Variants in EXOC2 observed in about 807,000 individuals in gnomAD.
EXOC2 encodes the protein SEC5-like 1.
EXOC2 carries 70 observed loss-of-function variants against 131.8 expected under a neutral mutation model. The observed-to-expected ratio is 0.53, with a 90% CI of 0.44 to 0.65. The LOEUF is 0.65. Among genes scored for constraint, EXOC2 ranks in the 30% least tolerant of loss-of-function variants. EXOC2 has a pLI of 0.00. For missense variants in EXOC2, 923 were observed against 1,108.6 expected (o/e 0.83, Z 2.38); for synonymous variants, 411 against 398.4 (o/e 1.03, Z -0.38).
At chr6:489,077 A>G in intron 26 of EXOC2, 39 bp from the exon 27 acceptor site, 1 of 1,601,244 alleles carries the variant, frequency 6.2e-7, no homozygotes, top group Non-Finnish European at 8.5e-7. Flanking sequence ...GAAGCCTTGC[A>G]CAGGAGAACT....
chr6:553,748 T>C, intron 21 of EXOC2, 106 bp downstream of exon 21: 1 of 863,478 alleles, frequency 1.2e-6, no homozygotes, highest in South Asian at 1.4e-5. Flanking sequence ...CACAGTGTCC[T>C]ATACCACGTG....
In EXOC2 at chr6:497,577, A is replaced by G. The variant is rs1763813356; in HGVS notation, c.2437-88T>C. The G allele has an allele frequency of 2.0e-6, 3 of 1,473,148 alleles. No individual in the cohort carries two copies. The Admixed American group carries it at 7.2e-5, about 35-fold the overall frequency. The allele number at this position is 1,473,148 out of a possible 1,614,324, so 91.3% of individuals were successfully genotyped here. On this transcript the variant is annotated intron_variant, in intron 24 of 27. Transcript: ENST00000230449. ...AAAGTTAACATTCAAAACAAAACAA[A>G]AGAAAATCAACAGGACTTCTAAGTC...
chr6:565,735 G>A (rs1757932653), intron 13 of EXOC2, among the ~76,000 whole-genome samples: 1 of 152,172 alleles, frequency 6.6e-6, no homozygotes, highest in Non-Finnish European at 1.5e-5. Flanking sequence ...GTTAACGCAT[G>A]ACAAGTCAAG....
chr6:643,234 T>G (rs924378451), intron 1 of EXOC2, among the ~76,000 whole-genome samples: 2 of 152,158 alleles, frequency 1.3e-5, no homozygotes, highest in Non-Finnish European at 2.9e-5. Context: ...ATAGAAGATA[T>G]GAACAGCACT....
At chr6:644,613 T>C (rs1172218585) in intron 1 of EXOC2, among the ~76,000 whole-genome samples, 1 of 152,116 alleles carries the variant, frequency 6.6e-6, no homozygotes, top group Non-Finnish European at 1.5e-5. Flanking sequence ...AGAAATCTAC[T>C]AAGCAACTAA....
chr6:644,370 T>G (rs918048926), intron 1 of EXOC2, among the ~76,000 whole-genome samples: 2 of 152,122 alleles, frequency 1.3e-5, no homozygotes, highest in African/African-American at 4.8e-5. Context: ...AAAGAACTAT[T>G]TGAGTGGGGA....
rs1290546330 is a variant in EXOC2 at position 637,730 on chromosome 6, T to C, written c.89A>G (p.Asn30Ser). 1.2e-6 allele frequency: 2 copies of C among 1,613,590 alleles called. No homozygotes were observed. The highest frequency in any genetic ancestry group is 8.5e-7 in the Non-Finnish European group (1 of 1,179,822). ...GAGGTCGGTGGGGCCAGTCCCCAGATTTTCTCCCCTGATTGTGACCTTCGT... is the reference window on the plus strand; with the variant it reads ...GAGGTCGGTGGGGCCAGTCCCCAGACTTTCTCCCCTGATTGTGACCTTCGT... ...PWTKVTIRGENLGTGPTDLIG... is the reference protein window; with the variant it reads ...PWTKVTIRGESLGTGPTDLIG... Residue 30 changes from asparagine to serine, a missense_variant, in exon 2 of 28, where the codon AAT becomes AGT. By Grantham distance (46) the Asn-to-Ser change is conservative. Transcript: ENST00000230449.
intron 1 of EXOC2, among the ~76,000 whole-genome samples, chr6:655,285 GAGC>G (rs1307904305): frequency 6.6e-6 from 1 of 152,234 alleles, no homozygotes; most frequent in Non-Finnish European, 1.5e-5. Flanking sequence ...GGGCTCAGAT[GAGC>G]AGCAGCATTT....
rs766079142 is a variant in EXOC2 at position 564,724 on chromosome 6, T to C, written c.1510-22A>G. The C allele has an allele frequency of 1.3e-5, 20 of 1,585,530 alleles. No individual in the cohort carries two copies. The Middle Eastern group carries it at 5.1e-4, about 40-fold the overall frequency. ...TTTTCTAGAAAACCAGGAACAAGCA[T>C]AACCGTGTTCAAATGTGATTAATCG... On this transcript the variant is annotated intron_variant, in intron 14 of 27. Transcript: ENST00000230449.
chr6:515,655 G>GTGGGTATCTGCAGTGA (rs1561804665), intron 23 of EXOC2, among the ~76,000 whole-genome samples: 1 of 150,834 alleles, frequency 6.6e-6, no homozygotes, highest in Admixed American at 6.6e-5. Flanking sequence ...CACACAGCTG[G>GTGGGTATCTGCAGTGA]GGCGGTCCTA....
intron 5 of EXOC2, 95 bp from the exon 6 acceptor site, chr6:617,930 C>T: frequency 2.1e-6 from 3 of 1,395,990 alleles, no homozygotes; most frequent in East Asian, 2.5e-5. Context: ...ATGCTAAAAC[C>T]GATGCTAAGT....
At position 486,440 on chromosome 6, in the gene EXOC2, A is replaced by C. The variant is rs1211738334; in HGVS notation, c.*231T>G. On this transcript the variant is annotated 3_prime_UTR_variant, in exon 28 of 28. Coordinates refer to ENST00000230449, the MANE Select transcript of EXOC2 (RefSeq NM_018303.6). ...CAAAATATATTTTAAAATGTATTTT[A>C]AAGTCATACAGGATCTGATCTAGTA... 4.7e-6 allele frequency: 2 copies of C among 426,124 alleles called. No homozygotes were observed. Among genetic ancestry groups the C allele is most frequent in the Non-Finnish European group, 8.3e-6 (2 of 240,590 alleles). The allele number at this position is 426,124 out of a possible 1,614,324, so 26.4% of individuals were successfully genotyped here.
At chr6:647,612 G>A (rs1297407907) in intron 1 of EXOC2, among the ~76,000 whole-genome samples, 2 of 119,018 alleles carry the variant, frequency 1.7e-5, no homozygotes, top group Non-Finnish European at 1.8e-5. Flanking sequence ...GAATGTGACC[G>A]CTCACATTCT....
chr6:665,928 A>G (rs1763624945), intron 1 of EXOC2, among the ~76,000 whole-genome samples: 1 of 151,446 alleles, frequency 6.6e-6, no homozygotes, highest in South Asian at 2.1e-4. Context: ...TAACTTACAG[A>G]AAATAAAAAT....
intron 1 of EXOC2, among the ~76,000 whole-genome samples, chr6:658,710 A>G (rs560123833): frequency 1.5e-5 from 2 of 136,290 alleles, no homozygotes; most frequent in East Asian, 4.1e-4. Context: ...CGCCCAGGCT[A>G]GAGTGCAATG....
chr6:659,789 A>C (rs1354250401), intron 1 of EXOC2, among the ~76,000 whole-genome samples: 2 of 152,212 alleles, frequency 1.3e-5, no homozygotes, highest in African/African-American at 2.4e-5. Flanking sequence ...AGCAGGGGGT[A>C]CAACTCCACA....
At chr6:660,908 C>T (rs1581650078) in intron 1 of EXOC2, among the ~76,000 whole-genome samples, 1 of 151,954 alleles carries the variant, frequency 6.6e-6, no homozygotes, top group East Asian at 1.9e-4. Context: ...ATAAACAATA[C>T]AAAAAGTAAA....
intron 13 of EXOC2, among the ~76,000 whole-genome samples, chr6:565,803 C>T (rs1180487373): frequency 6.6e-6 from 1 of 152,102 alleles, no homozygotes; most frequent in African/African-American, 2.4e-5. Flanking sequence ...GACTTTAAGT[C>T]AGTTTTAAAA....
intron 1 of EXOC2, among the ~76,000 whole-genome samples, chr6:690,240 C>T (rs1016962287): frequency 1.3e-5 from 2 of 152,170 alleles, no homozygotes; most frequent in African/African-American, 4.8e-5. Context: ...CCTATAGTCC[C>T]AGCTACTTGG....
Sources: gnomAD v4.1 joint callset for allele counts (sites outside exome capture counted in the v4.1 genomes callset) on GRCh38, gnomAD v4.1.1 for gene constraint, MANE v1.5 for transcripts, NCBI Gene and HGNC (gene_info 2026-07-23, HGNC 2026-07-21) for gene names.